SCHIP1: variants seen among roughly 807,000 people sequenced by gnomAD.
SCHIP1 encodes the protein schwannomin interacting protein 1.
Under a neutral mutation model 29.7 loss-of-function variants are expected in SCHIP1, and 8 were observed. That is an observed-to-expected ratio of 0.27 (90% CI 0.16 to 0.49). SCHIP1 has a LOEUF of 0.49. Ranked by LOEUF, SCHIP1 falls within the 20% of genes least tolerant of loss-of-function variation. The pLI is 0.99. For missense variants in SCHIP1, 193 were observed against 294.6 expected (o/e 0.66, Z 2.52); for synonymous variants, 76 against 94.9 (o/e 0.80, Z 1.16).
At chr3:159,803,360 C>T in the SCHIP1 span, among the ~76,000 whole-genome samples, 1 of 152,170 alleles carries the variant, frequency 6.6e-6, no homozygotes, top group East Asian at 1.9e-4. Context: ...CTACCAAGTC[C>T]TTTGCCTAGG....
chr3:159,553,098 A>G, the SCHIP1 span, among the ~76,000 whole-genome samples: 1 of 152,166 alleles, frequency 6.6e-6, no homozygotes, highest in African/African-American at 2.4e-5. Flanking sequence ...TGTCAAACCA[A>G]ATAATTTTCC....
At chr3:159,677,623 C>A in the SCHIP1 span, among the ~76,000 whole-genome samples, 3 of 152,284 alleles carry the variant, frequency 2.0e-5, 1 homozygote, top group East Asian at 3.9e-4. Flanking sequence ...TAAATATTTA[C>A]ACATGGCAGA....
At chr3:159,639,001 C>T in the SCHIP1 span, among the ~76,000 whole-genome samples, 3 of 152,070 alleles carry the variant, frequency 2.0e-5, no homozygotes, top group African/African-American at 4.8e-5. Context: ...ATGACCTAGA[C>T]ATTTACATAA....
the SCHIP1 span, among the ~76,000 whole-genome samples, chr3:159,570,787 T>C: frequency 2.0e-5 from 3 of 152,226 alleles, no homozygotes; most frequent in African/African-American, 7.2e-5. Flanking sequence ...GCATGGAATA[T>C]TCTTCCATTT....
At chr3:159,475,577 A>C in the SCHIP1 span, among the ~76,000 whole-genome samples, 1 of 152,154 alleles carries the variant, frequency 6.6e-6, no homozygotes, top group South Asian at 2.1e-4. Context: ...ATTTTATTGT[A>C]TTTAAATTAT....
At chr3:159,765,073 G>A in the SCHIP1 span, 1 of 1,567,774 alleles carries the variant, frequency 6.4e-7, no homozygotes, top group Admixed American at 1.9e-5. Context: ...GAAGCATCTG[G>A]CCGGGCTGCA....
the SCHIP1 span, among the ~76,000 whole-genome samples, chr3:159,547,354 T>G: frequency 6.6e-6 from 1 of 152,204 alleles, no homozygotes; most frequent in Non-Finnish European, 1.5e-5. Context: ...TTTTCTCCCA[T>G]TCTGTAGGTT....
At chr3:159,755,095 C>T in the SCHIP1 span, among the ~76,000 whole-genome samples, 4 of 152,040 alleles carry the variant, frequency 2.6e-5, no homozygotes, top group South Asian at 2.1e-4. Flanking sequence ...ATTAGCCAGG[C>T]GTGGCGGCAG....
At chr3:159,694,687 G>A in the SCHIP1 span, among the ~76,000 whole-genome samples, 22 of 152,132 alleles carry the variant, frequency 1.4e-4, no homozygotes, top group African/African-American at 5.1e-4. Flanking sequence ...ATTTACAACT[G>A]AGCAACAACT....
the SCHIP1 span, among the ~76,000 whole-genome samples, chr3:159,794,362 T>G: frequency 6.6e-6 from 1 of 152,210 alleles, no homozygotes; most frequent in African/African-American, 2.4e-5. Context: ...TTCAGGTGCT[T>G]TAATAGCTTG....
the SCHIP1 span, among the ~76,000 whole-genome samples, chr3:159,514,751 T>C: frequency 6.6e-6 from 1 of 152,238 alleles, no homozygotes; most frequent in African/African-American, 2.4e-5. Context: ...ATACAATCAA[T>C]ATGTTGGGCC....
the SCHIP1 span, among the ~76,000 whole-genome samples, chr3:159,437,625 T>C: frequency 6.6e-6 from 1 of 151,924 alleles, no homozygotes; most frequent in Non-Finnish European, 1.5e-5. Flanking sequence ...TTCATCTCCA[T>C]TCGTCTTTTA....
At chr3:159,390,191 TGA>T in the SCHIP1 span, among the ~76,000 whole-genome samples, 1 of 152,118 alleles carries the variant, frequency 6.6e-6, no homozygotes, top group Non-Finnish European at 1.5e-5. Flanking sequence ...TATATTTGCA[TGA>T]GAGTCAGGAT....
chr3:159,569,277 C>T, the SCHIP1 span, among the ~76,000 whole-genome samples: 9 of 152,120 alleles, frequency 5.9e-5, no homozygotes, highest in African/African-American at 2.2e-4. Flanking sequence ...ATCAATTCAT[C>T]ATTTACATTA....
the SCHIP1 span, among the ~76,000 whole-genome samples, chr3:159,632,525 T>C: frequency 6.6e-6 from 1 of 152,208 alleles, no homozygotes; most frequent in Admixed American, 6.5e-5. Context: ...GGAGGGAAGC[T>C]AATTTTGTTG....
the SCHIP1 span, among the ~76,000 whole-genome samples, chr3:159,634,207 A>G: frequency 6.6e-6 from 1 of 152,164 alleles, no homozygotes; most frequent in Non-Finnish European, 1.5e-5. Flanking sequence ...AGAAATGCAG[A>G]GAGAGTGTAT....
At chr3:159,522,525 A>G in the SCHIP1 span, among the ~76,000 whole-genome samples, 1 of 152,304 alleles carries the variant, frequency 6.6e-6, no homozygotes, top group East Asian at 1.9e-4. Flanking sequence ...TACAGTAGCA[A>G]TAGATTAGAT....
the SCHIP1 span, among the ~76,000 whole-genome samples, chr3:159,736,490 C>T: frequency 6.6e-6 from 1 of 152,212 alleles, no homozygotes; most frequent in African/African-American, 2.4e-5. Flanking sequence ...TCTTCCCCAA[C>T]TCCCCAACTA....
At chr3:159,635,976 A>G in the SCHIP1 span, among the ~76,000 whole-genome samples, 5 of 152,142 alleles carry the variant, frequency 3.3e-5, no homozygotes, top group Non-Finnish European at 5.9e-5. Context: ...AAAAGATCTC[A>G]TGCTAACCAT....
Sources: gnomAD v4.1 joint callset for allele counts (sites outside exome capture counted in the v4.1 genomes callset) on GRCh38, gnomAD v4.1.1 for gene constraint, MANE v1.5 for transcripts, NCBI Gene and HGNC (gene_info 2026-07-23, HGNC 2026-07-21) for gene names.